The following CCT4 variants were observed in gnomAD, a reference collection of about 807,000 sequenced individuals.
CCT4 encodes the protein chaperonin containing TCP1 subunit 4, also known as T-complex protein 1 subunit delta.
A neutral mutation model predicts 62.5 loss-of-function variants in CCT4; 17 were observed. The observed-to-expected ratio is 0.27, with a 90% CI of 0.19 to 0.41. The LOEUF (loss-of-function observed/expected upper bound fraction) is 0.41, where lower values mean the gene tolerates loss of function less well. Among genes scored for constraint, CCT4 ranks in the 10% least tolerant of loss-of-function variants. The pLI is 1.00. For synonymous variants in CCT4, 250 were observed against 229.9 expected (o/e 1.09, Z -0.79); for missense variants, 592 against 659.2 (o/e 0.90, Z 1.12).
At chr2:61,869,404 ACCT>A in intron 13 of CCT4, 33 bp downstream of exon 13, 1 of 1,115,830 alleles carries the variant, frequency 9.0e-7, no homozygotes. Flanking sequence ...TGCCTTTTTG[ACCT>A]CCTAAGAAAA....
intron 8 of CCT4, among the ~76,000 whole-genome samples, chr2:61,874,718 G>C (rs989122258): frequency 3.3e-5 from 5 of 152,162 alleles, no homozygotes; most frequent in African/African-American, 1.2e-4. Flanking sequence ...AAATGACAAG[G>C]CAAGCAATTG....
chr2:61,882,253 T>C (rs1669134766), intron 3 of CCT4, among the ~76,000 whole-genome samples: 2 of 152,180 alleles, frequency 1.3e-5, no homozygotes, highest in African/African-American at 2.4e-5. Context: ...TTCTTTCTAA[T>C]GAATTTGTTT....
intron 1 of CCT4, among the ~76,000 whole-genome samples, chr2:61,886,265 G>A (rs950108712): frequency 3.3e-5 from 5 of 152,128 alleles, no homozygotes; most frequent in East Asian, 1.9e-4. Flanking sequence ...AAAATGAGCC[G>A]GGTGTGGCGG....
intron 5 of CCT4, among the ~76,000 whole-genome samples, chr2:61,877,790 G>A (rs904311600): frequency 6.6e-6 from 1 of 152,092 alleles, no homozygotes; most frequent in Non-Finnish European, 1.5e-5. Flanking sequence ...AATCCAAAAA[G>A]CATAAATTTA....
At chr2:61,879,402 C>G (rs1008612398) in intron 4 of CCT4, among the ~76,000 whole-genome samples, 27 of 150,324 alleles carry the variant, frequency 1.8e-4, no homozygotes, top group Non-Finnish European at 4.0e-4. Flanking sequence ...GCTGGGACTA[C>G]AGACACACGC....
Position 61,873,032 on chromosome 2 carries a change from G to A in CCT4, c.1095C>T (p.Val365=). Residue 365 remains valine, a synonymous_variant, in exon 10 of 14, where the codon GTC becomes GTT. Transcript: ENST00000394440. ...MLGSAELAEE[V]NLNGSGKLLK... The stretch of plus-strand genomic sequence containing the variant: ...GCAGTTTGCCAGAACCATTTAAATT[G>A]ACCTCCTCAGCTAACTCAGCAGAAC... 1 of 1,609,956 alleles carries A rather than the reference G, an allele frequency of 6.2e-7. No homozygotes were observed. Among genetic ancestry groups the A allele is most frequent in the South Asian group, 1.1e-5 (1 of 91,000 alleles).
intron 3 of CCT4, among the ~76,000 whole-genome samples, chr2:61,882,521 CTTT>C (rs199571264): frequency 6.9e-6 from 1 of 145,404 alleles, no homozygotes; most frequent in Non-Finnish European, 1.5e-5. Flanking sequence ...GTGTTTCTTT[CTTT>C]TTTTTTTTTG....
rs1435504918 is a variant in CCT4, at chr2:61,876,993, T to G, written c.704A>C (p.Asn235Thr). ...CTTTTCAACTCTGGTTATGCCAGAA[T>G]TTGACACTTTTTGGGTGAGAACCAG... ...EGLVLTQKVS[N>T]SGITRVEKAK... The change falls in exon 7 of 14, where the codon AAT becomes ACT. Residue 235 changes from asparagine to threonine, a missense_variant. By Grantham distance (65) the Asn-to-Thr change is moderately conservative. Coordinates refer to ENST00000394440, the MANE Select transcript of CCT4 (RefSeq NM_006430.4). The G allele has an allele frequency of 6.2e-7, 1 of 1,613,652 alleles. No homozygotes were observed. The highest frequency in any genetic ancestry group is 2.2e-5 in the East Asian group (1 of 44,872).
At chr2:61,871,178 T>C (rs918172519) in intron 12 of CCT4, among the ~76,000 whole-genome samples, 34 of 151,622 alleles carry the variant, frequency 2.2e-4, no homozygotes, top group Non-Finnish European at 4.3e-4. Context: ...ATTACAGATA[T>C]CCGCCACTTC....
chr2:61,878,809 G>A, intron 5 of CCT4, 60 bp downstream of exon 5: 2 of 1,224,144 alleles, frequency 1.6e-6, no homozygotes, highest in Non-Finnish European at 2.3e-6. Flanking sequence ...ATAGCATCAA[G>A]AATCATAGAG....
intron 4 of CCT4, 69 bp from the exon 5 acceptor site, chr2:61,879,080 TTTTCTA>T: frequency 8.3e-7 from 1 of 1,205,240 alleles, no homozygotes; most frequent in African/African-American, 1.5e-5. Context: ...GGCTTAAAAA[TTTTCTA>T]CTCAATGTCA....
At chr2:61,883,923 G>A (rs1033147304) in intron 2 of CCT4, among the ~76,000 whole-genome samples, 1 of 152,100 alleles carries the variant, frequency 6.6e-6, no homozygotes, top group African/African-American at 2.4e-5. Flanking sequence ...ATGCCATGCG[G>A]TGAACACAAT....
In CCT4 at chr2:61,877,601, C is replaced by A. The variant is rs1558505860; in HGVS notation, c.523-87G>T. The A allele has an allele frequency of 2.8e-6, 3 of 1,085,134 alleles. No individual in the cohort carries two copies. The African/African-American group carries it at 4.8e-5, about 17-fold the overall frequency. 67.2% of individuals were successfully genotyped at this position (1,085,134 alleles called of 1,614,324 possible). ...ATGACAAAGATACTTAAGAAAGACT[C>A]TTATAATTTTTGCAGTGGGGTGTGG... is the stretch of plus-strand genomic sequence containing the variant. On this transcript the variant is annotated intron_variant, in intron 5 of 13. Coordinates refer to ENST00000394440, the MANE Select transcript of CCT4 (RefSeq NM_006430.4).
intron 1 of CCT4, chr2:61,888,117 C>T: frequency 2.5e-6 from 1 of 393,482 alleles, no homozygotes; most frequent in Non-Finnish European, 4.5e-6. Context: ...CTTTCGGCTC[C>T]AATATGAATG....
Position 61,869,373 on chromosome 2 carries a change from A to C in CCT4, c.1605+67T>G, listed in dbSNP as rs150598618. The C allele has an allele frequency of 1.5e-4, 133 of 911,522 alleles. 1 individual carries two copies. The East Asian group carries it at 3.2e-3, about 22-fold the overall frequency. The allele number at this position is 911,522 out of a possible 1,614,324, so 56.5% of individuals were successfully genotyped here. On this transcript the variant is annotated intron_variant, in intron 13 of 13. Coordinates refer to ENST00000394440, the MANE Select transcript of CCT4 (RefSeq NM_006430.4). Reference sequence around the variant, plus strand: ...CAACCAACCAAACAACAACAACAACAAAAAACCTTTAAAAAATATATGCCT... The same window carrying C: ...CAACCAACCAAACAACAACAACAACCAAAAACCTTTAAAAAATATATGCCT...
chr2:61,876,558 GAA>G (rs1669005885), intron 7 of CCT4, among the ~76,000 whole-genome samples: 1 of 152,160 alleles, frequency 6.6e-6, no homozygotes, highest in African/African-American at 2.4e-5. Context: ...CAGCAACAGT[GAA>G]AAGATGGGGT....
chr2:61,884,151 T>C (rs895002543), intron 2 of CCT4, among the ~76,000 whole-genome samples: 9 of 152,234 alleles, frequency 5.9e-5, no homozygotes, highest in African/African-American at 2.2e-4. Flanking sequence ...CCTGGATTTA[T>C]AATAGTTTCC....
intron 8 of CCT4, among the ~76,000 whole-genome samples, chr2:61,875,336 T>C (rs1243694507): frequency 6.6e-6 from 1 of 151,968 alleles, no homozygotes; most frequent in Non-Finnish European, 1.5e-5. Flanking sequence ...CCCAGCACTT[T>C]GGGAGGCTGA....
At chr2:61,871,441 A>G (rs1668881938) in intron 12 of CCT4, among the ~76,000 whole-genome samples, 1 of 152,058 alleles carries the variant, frequency 6.6e-6, no homozygotes, top group East Asian at 1.9e-4. Flanking sequence ...GGTCCTTCTC[A>G]CCTGTAAAAC....
Sources: gnomAD v4.1 joint callset for allele counts (sites outside exome capture counted in the v4.1 genomes callset) on GRCh38, gnomAD v4.1.1 for gene constraint, MANE v1.5 for transcripts, NCBI Gene and HGNC (gene_info 2026-07-23, HGNC 2026-07-21) for gene names.